The following ROBO1 variants were observed in gnomAD, a reference collection of about 807,000 sequenced individuals.
ROBO1 encodes the protein roundabout homolog 1.
A neutral mutation model predicts 195.9 loss-of-function variants in ROBO1; 149 were observed. The observed-to-expected ratio is 0.76, with a 90% CI of 0.67 to 0.87. The LOEUF is 0.87. Ranked by LOEUF, ROBO1 falls within the 40% of genes least tolerant of loss-of-function variation. The pLI is 0.00. For synonymous variants in ROBO1, 816 were observed against 733.2 expected, an observed-to-expected ratio of 1.11 and a Z score of -1.82; for missense variants, 1,933 against 2,068.3, an observed-to-expected ratio of 0.93 and a Z score of 1.27.
At chr3:78,743,924 T>C (rs115025740) in intron 5 of ROBO1, among the ~76,000 whole-genome samples, 18 of 152,298 alleles carry the variant, frequency 1.2e-4, no homozygotes, top group Non-Finnish European at 2.2e-4. Context: ...GAGTGTTTCA[T>C]CCGCCAGAAG....
intron 2 of ROBO1, among the ~76,000 whole-genome samples, chr3:79,578,139 C>G (rs1355313705): frequency 6.6e-6 from 1 of 152,086 alleles, no homozygotes; most frequent in Non-Finnish European, 1.5e-5. Flanking sequence ...ATCCCAAACA[C>G]TGACAACACC....
chr3:78,797,652 C>T (rs535338387), intron 4 of ROBO1, among the ~76,000 whole-genome samples: 11 of 152,024 alleles, frequency 7.2e-5, no homozygotes, highest in African/African-American at 1.9e-4. Flanking sequence ...TTGTATGTGT[C>T]GGGGATGGGT....
chr3:79,237,248 C>T (rs1380852627), intron 2 of ROBO1, among the ~76,000 whole-genome samples: 5 of 152,000 alleles, frequency 3.3e-5, no homozygotes, highest in African/African-American at 1.2e-4. Context: ...TTTGGGAGCC[C>T]GAGGCGGGCG....
Position 78,703,154 on chromosome 3 carries a change from A to G in ROBO1, c.1045+11243T>C, listed in dbSNP as rs745928821. On this transcript the variant is annotated intron_variant, in intron 8 of 30. Coordinates refer to ENST00000464233, the MANE Select transcript of ROBO1 (RefSeq NM_002941.4). ...GTTACAATGGCTGTTTCTTTAAGCT[A>G]TAAGTACACAAGAAGTTCTTTACTT... Among the ~76,000 whole-genome samples the G allele has an allele frequency of 3.9e-5, 6 of 152,222 alleles. No individual in the cohort carries two copies. In the South Asian group the frequency reaches 6.2e-4, roughly 16 times the overall value.
intron 8 of ROBO1, among the ~76,000 whole-genome samples, chr3:78,691,789 C>T (rs886593318): frequency 1.6e-4 from 25 of 152,204 alleles, no homozygotes; most frequent in African/African-American, 5.8e-4. Flanking sequence ...ACAGATTCTC[C>T]TCTTAATTAA....
chr3:79,418,340 A>C (rs1340048782), intron 2 of ROBO1, among the ~76,000 whole-genome samples: 1 of 152,128 alleles, frequency 6.6e-6, no homozygotes, highest in Non-Finnish European at 1.5e-5. Flanking sequence ...CTCAAATCTC[A>C]ATTGCAATTA....
At chr3:78,693,735 C>T (rs1400827442) in intron 8 of ROBO1, among the ~76,000 whole-genome samples, 1 of 152,124 alleles carries the variant, frequency 6.6e-6, no homozygotes, top group Non-Finnish European at 1.5e-5. Flanking sequence ...TAAAACTACA[C>T]AGAAATCAAA....
At chr3:79,138,224 G>A (rs192293463) in intron 2 of ROBO1, among the ~76,000 whole-genome samples, 1 of 151,930 alleles carries the variant, frequency 6.6e-6, no homozygotes, top group African/African-American at 2.4e-5. Context: ...TTAAGACAGG[G>A]TCATGTCTTA....
chr3:79,395,023 T>G (rs1575768018), intron 2 of ROBO1, among the ~76,000 whole-genome samples: 1 of 152,172 alleles, frequency 6.6e-6, no homozygotes, highest in East Asian at 1.9e-4. Context: ...CAATATTTAA[T>G]AGTTAAAACA....
At chr3:79,233,410 A>G (rs775693757) in intron 2 of ROBO1, among the ~76,000 whole-genome samples, 4 of 152,166 alleles carry the variant, frequency 2.6e-5, no homozygotes, top group Admixed American at 1.3e-4. Context: ...TGTACATTCA[A>G]CAATGATTTT....
Position 78,688,747 on chromosome 3 carries a change from G to T in ROBO1, c.1071C>A (p.Pro357=), listed in dbSNP as rs146168228. The T allele has an allele frequency of 3.4e-4, 551 of 1,609,216 alleles. 2 individuals are homozygous for T. The African/African-American group carries it at 6.5e-3, about 19-fold the overall frequency. ...GTCCCAAAGCAACAACCTGGTCACG[G>T]GGTTTCACAACAAAATGTGGAGGTT... The part of the protein sequence containing the change: ...VQEPPHFVVK[P]RDQVVALGRT... The change falls in exon 9 of 31, where the codon CCC becomes CCA. Residue 357 remains proline, a synonymous_variant. Transcript: ENST00000464233.
At chr3:79,273,048 G>A (rs1170273625) in intron 2 of ROBO1, among the ~76,000 whole-genome samples, 1 of 151,958 alleles carries the variant, frequency 6.6e-6, no homozygotes, top group Non-Finnish European at 1.5e-5. Flanking sequence ...AAAGACCTTC[G>A]CAGACAAACA....
At chr3:79,019,132 G>A (rs2078039017) in intron 3 of ROBO1, 1 of 986,296 alleles carries the variant, frequency 1.0e-6, no homozygotes, top group Non-Finnish European at 1.2e-6. Flanking sequence ...ACTGGAGACA[G>A]CAGCAGGACC....
At position 78,978,080 on chromosome 3, in the gene ROBO1, A is replaced by G. The variant is rs2076919074; in HGVS notation, c.173-39153T>C. 3.3e-5 allele frequency among the ~76,000 whole-genome samples: 5 copies of G among 152,164 alleles called. No homozygotes were observed. The South Asian group carries it at 1.0e-3, about 31-fold the overall frequency. ...ATTTTTGCTCTTTTTTCAAATACAG[A>G]AGAGTCTCAGTCTAGTTAGTTAAAG... On this transcript the variant is annotated intron_variant, in intron 3 of 30. Coordinates refer to ENST00000464233, the MANE Select transcript of ROBO1 (RefSeq NM_002941.4).
At chr3:79,015,930 T>G (rs967568839) in intron 3 of ROBO1, among the ~76,000 whole-genome samples, 5 of 152,176 alleles carry the variant, frequency 3.3e-5, no homozygotes, top group African/African-American at 1.2e-4. Context: ...AAAAAAGAAC[T>G]GACAACCAAT....
chr3:79,437,792 G>T (rs1191336501), intron 2 of ROBO1, among the ~76,000 whole-genome samples: 1 of 151,898 alleles, frequency 6.6e-6, no homozygotes, highest in African/African-American at 2.4e-5. Context: ...CTGCTAAGGG[G>T]AAGAGACATT....
chr3:78,717,665 A>T, intron 6 of ROBO1, 98 bp downstream of exon 6: 1 of 1,354,318 alleles, frequency 7.4e-7, no homozygotes, highest in Non-Finnish European at 1.0e-6. Flanking sequence ...CCCCCTAAAA[A>T]TATTTGGCTT....
At chr3:79,301,727 AG>A (rs1452339998) in intron 2 of ROBO1, among the ~76,000 whole-genome samples, 1 of 152,190 alleles carries the variant, frequency 6.6e-6, no homozygotes, top group African/African-American at 2.4e-5. Flanking sequence ...TAAAAACGAA[AG>A]GTATTTTCCC....
intron 2 of ROBO1, among the ~76,000 whole-genome samples, chr3:79,518,873 T>A (rs7626963): frequency 0.19 from 28,816 of 150,604 alleles, 3,278 homozygotes; most frequent in African/African-American, 0.3. Flanking sequence ...AGAGACGGGG[T>A]TTCACCATAT....
Sources: gnomAD v4.1 joint callset for allele counts (sites outside exome capture counted in the v4.1 genomes callset) on GRCh38, gnomAD v4.1.1 for gene constraint, MANE v1.5 for transcripts, NCBI Gene and HGNC (gene_info 2026-07-23, HGNC 2026-07-21) for gene names.